Variants in GOLGA3 observed in about 807,000 individuals in gnomAD.
The protein encoded by GOLGA3 is golgin subfamily A member 3.
In GOLGA3, 75 loss-of-function variants were observed where a neutral mutation model predicts 169.4. The observed-to-expected ratio is 0.44, with a 90% CI of 0.37 to 0.54. The LOEUF is 0.54. GOLGA3 is among the 20% of genes least tolerant of loss of function. GOLGA3 has a pLI of 0.00. For missense variants in GOLGA3, 1,899 were observed against 1,930.0 expected, an observed-to-expected ratio of 0.98 and a Z score of 0.30; for synonymous variants, 824 against 822.4, an observed-to-expected ratio of 1.00 and a Z score of -0.03.
chr12:132,792,840 ACCG>A (rs1362559677), intron 11 of GOLGA3, among the ~76,000 whole-genome samples: 2 of 116,500 alleles, frequency 1.7e-5, no homozygotes, highest in African/African-American at 6.8e-5. Flanking sequence ...CTCCACACGG[ACCG>A]ACCACACGGG....
At chr12:132,825,928 G>A in intron 1 of GOLGA3, 2 of 956,038 alleles carry the variant, frequency 2.1e-6, no homozygotes, top group Non-Finnish European at 3.4e-6. Context: ...TCTCTGGCGT[G>A]GTGACCAAGA....
Position 132,807,265 on chromosome 12 carries a change from G to A in GOLGA3, c.1202C>T (p.Ala401Val). Residue 401 changes from alanine to valine, a missense_variant, in exon 6 of 24, where the codon GCA becomes GTA. Coordinates refer to ENST00000450791, the MANE Select transcript of GOLGA3 (RefSeq NM_001389683.1). ...CTGCAGCATCTCCTCCTGTGTTTCTGCTGCAGAGCTCTCCAAGGACACGCT... is the reference window on the plus strand; with the variant it reads ...CTGCAGCATCTCCTCCTGTGTTTCTACTGCAGAGCTCTCCAAGGACACGCT... The part of the protein sequence containing the change: ...CSSVSLESSA[A>V]ETQEEMLQVL... 6.3e-7 allele frequency: 1 copy of A among 1,577,296 alleles called. No individual in the cohort carries two copies. Among genetic ancestry groups the A allele is most frequent in the South Asian group, 1.2e-5 (1 of 86,276 alleles).
At chr12:132,805,706 G>A (rs1437030815) in intron 6 of GOLGA3, among the ~76,000 whole-genome samples, 1 of 152,200 alleles carries the variant, frequency 6.6e-6, no homozygotes, top group Non-Finnish European at 1.5e-5. Flanking sequence ...CGCACAGGGA[G>A]CCTGCACTGG....
rs778216898 is a variant in GOLGA3 at position 132,813,413 on chromosome 12, G to A, written c.413C>T (p.Thr138Ile). The A allele has an allele frequency of 3.6e-5, 58 of 1,596,096 alleles. No individual in the cohort carries two copies. The highest frequency in any genetic ancestry group is 4.7e-5 in the Non-Finnish European group (55 of 1,167,042). Residue 138 changes from threonine (T) to isoleucine (I), a missense_variant, in exon 4 of 24, where the codon ACA becomes ATA. Physicochemically the swap from Thr to Ile is moderately conservative, Grantham distance 89. Coordinates refer to ENST00000450791, the MANE Select transcript of GOLGA3 (RefSeq NM_001389683.1). ...CTTCTCCAGGGGCAGGGGAGAATCT[G>A]TAGAGCCTGCAGTGGGAAAAGGGCA... is the stretch of plus-strand genomic sequence containing the variant. ...LPMQETQLCS[T>I]DSPLPLEKEE...
intron 7 of GOLGA3, among the ~76,000 whole-genome samples, chr12:132,802,463 CA>C (rs35207247): frequency 0.35 from 50,693 of 144,492 alleles, 9,295 homozygotes; most frequent in East Asian, 0.51. Context: ...CCCCCACCAC[CA>C]AAAAAAAAAA....
intron 7 of GOLGA3, among the ~76,000 whole-genome samples, chr12:132,803,671 G>A (rs902351346): frequency 1.3e-5 from 2 of 152,086 alleles, no homozygotes; most frequent in Non-Finnish European, 2.9e-5. Context: ...CTCTCGGCCG[G>A]CTTTCTCTTT....
rs542937709 is a variant in GOLGA3, at chr12:132,784,266, A to G, written c.3165T>C (p.Ser1055=). 6 of 1,610,564 alleles carry G rather than the reference A, an allele frequency of 3.7e-6. No individual in the cohort carries two copies. Among genetic ancestry groups the G allele is most frequent in the Non-Finnish European group, 5.1e-6 (6 of 1,179,988 alleles). The change falls in exon 16 of 24, where the codon AGT becomes AGC. Residue 1055 remains serine, a synonymous_variant. Transcript: ENST00000450791. The part of the protein sequence containing the change: ...QALEAELQAV[S]HSKTLLEKEL... ...CCTTTTCCAGCAGCGTCTTGCTATG[A>G]CTGACAGCCTGCAGCTCCGCCTCCA...
At chr12:132,813,519 C>CCTG in intron 3 of GOLGA3, 100 bp from the exon 4 acceptor site, 1 of 627,134 alleles carries the variant, frequency 1.6e-6, no homozygotes, top group Non-Finnish European at 2.9e-6. Flanking sequence ...TACCCATATA[C>CCTG]TTTACACCTA....
rs1378124317 is a variant in GOLGA3, at chr12:132,822,083, A to T, written c.46T>A (p.Ser16Thr). 1.9e-6 allele frequency: 3 copies of T among 1,607,452 alleles called. No homozygotes were observed. Among genetic ancestry groups the T allele is most frequent in the Non-Finnish European group, 1.7e-6 (2 of 1,177,720 alleles). The change falls in exon 2 of 24, where the codon TCC (serine) becomes ACC (threonine). Residue 16 changes from serine (S) to threonine (T), a missense_variant. Coordinates refer to ENST00000450791, the MANE Select transcript of GOLGA3 (RefSeq NM_001389683.1). ...GGGAGAGACGAGGGGCCACTGTGGG[A>T]TCTGTCCTCCTGGAGGCCATCTTGC... ...AEQDGLQEDR[S>T]HSGPSSLPEA...
At chr12:132,813,557 G>T in intron 3 of GOLGA3, 138 bp from the exon 4 acceptor site, 1 of 559,610 alleles carries the variant, frequency 1.8e-6, no homozygotes. Context: ...TTGTTTGGAA[G>T]GACAATTTCT....
intron 2 of GOLGA3, among the ~76,000 whole-genome samples, chr12:132,821,263 T>C (rs1950199449): frequency 6.6e-6 from 1 of 151,396 alleles, no homozygotes; most frequent in Non-Finnish European, 1.5e-5. Flanking sequence ...AAAAAATAGC[T>C]GGGCGTGGTA....
intron 3 of GOLGA3, among the ~76,000 whole-genome samples, chr12:132,816,227 AAAC>A (rs1253812801): frequency 2.6e-5 from 4 of 152,132 alleles, no homozygotes; most frequent in Non-Finnish European, 5.9e-5. Flanking sequence ...AAAAAAACCA[AAAC>A]AACAGACTGG....
At chr12:132,811,085 T>C (rs1949682443) in intron 4 of GOLGA3, among the ~76,000 whole-genome samples, 1 of 152,212 alleles carries the variant, frequency 6.6e-6, no homozygotes, top group Non-Finnish European at 1.5e-5. Context: ...GTGACCTTAC[T>C]TATCATTGGA....
chr12:132,811,267 C>T (rs544251589), intron 4 of GOLGA3, among the ~76,000 whole-genome samples: 25 of 152,278 alleles, frequency 1.6e-4, no homozygotes, highest in Admixed American at 1.0e-3. Flanking sequence ...CTCTCGTCTC[C>T]GCACACAGGG....
intron 17 of GOLGA3, among the ~76,000 whole-genome samples, chr12:132,781,288 G>A (rs965520613): frequency 8.5e-5 from 13 of 152,216 alleles, no homozygotes; most frequent in Middle Eastern, 3.4e-3. Context: ...TGGGCCGGGC[G>A]CGGTGGCTCA....
rs757627405 is a variant in GOLGA3, at chr12:132,796,045, C to CCCTGCAGCTCCCCCAGCCTGG, written c.2255_2275dup (p.Ala752_Gln758dup). On this transcript the variant is annotated inframe_insertion, in exon 11 of 24. Transcript: ENST00000450791. ...CGTGTCCTCCCTGGAGGCGGCCTCG[C>CCCTGCAGCTCCCCCAGCCTGG]CCTGCAGCTCCCCCAGCCTGGCCTG... 2 of 1,612,516 alleles carry CCCTGCAGCTCCCCCAGCCTGG rather than the reference C, an allele frequency of 1.2e-6. No homozygotes were observed. The highest frequency in any genetic ancestry group is 1.7e-6 in the Non-Finnish European group (2 of 1,179,966).
intron 2 of GOLGA3, among the ~76,000 whole-genome samples, chr12:132,821,714 C>T (rs1203650874): frequency 5.3e-5 from 8 of 150,952 alleles, no homozygotes; most frequent in South Asian, 2.1e-4. Flanking sequence ...ATTAGCCGGG[C>T]GCGGTGGCGG....
At chr12:132,826,548 C>T (rs1950423351) in intron 1 of GOLGA3, among the ~76,000 whole-genome samples, 1 of 151,958 alleles carries the variant, frequency 6.6e-6, no homozygotes, top group Non-Finnish European at 1.5e-5. Context: ...AGATTCTGCT[C>T]ACTTAATTCC....
chr12:132,801,576 G>GT (rs904441368), intron 8 of GOLGA3, among the ~76,000 whole-genome samples, 191 bp downstream of exon 8: 4 of 152,140 alleles, frequency 2.6e-5, no homozygotes, highest in Middle Eastern at 3.4e-3. Flanking sequence ...ATGTCAGAAG[G>GT]TTGGGGGGGG....
Sources: gnomAD v4.1 joint callset for allele counts (sites outside exome capture counted in the v4.1 genomes callset) on GRCh38, gnomAD v4.1.1 for gene constraint, MANE v1.5 for transcripts, NCBI Gene and HGNC (gene_info 2026-07-23, HGNC 2026-07-21) for gene names.